Variants in UFSP2 observed in about 807,000 individuals in gnomAD.
UFSP2 encodes the protein UFM1 specific peptidase 2.
Under a neutral mutation model 60.2 loss-of-function variants are expected in UFSP2, and 43 were observed. The observed-to-expected ratio is 0.71, with a 90% CI of 0.56 to 0.92. The LOEUF (loss-of-function observed/expected upper bound fraction) is 0.92. Ranked by LOEUF, UFSP2 falls within the 40% of genes least tolerant of loss-of-function variation. UFSP2 has a pLI of 0.00. For synonymous variants in UFSP2, 183 were observed against 195.1 expected, an observed-to-expected ratio of 0.94 and a Z score of 0.52; for missense variants, 520 against 575.0, an observed-to-expected ratio of 0.90 and a Z score of 0.98.
intron 11 of UFSP2, among the ~76,000 whole-genome samples, chr4:185,401,268 C>T (rs2095512947): frequency 6.6e-6 from 1 of 152,178 alleles, no homozygotes; most frequent in Non-Finnish European, 1.5e-5. Context: ...AATCCTCTAC[C>T]AGTCCTAGGT....
chr4:185,423,997 A>C (rs1337500842), intron 1 of UFSP2, among the ~76,000 whole-genome samples: 1 of 152,126 alleles, frequency 6.6e-6, no homozygotes, highest in Non-Finnish European at 1.5e-5. Context: ...ACATTTACTG[A>C]GCTCTTCAAA....
rs1192454979 is a variant in UFSP2, at chr4:185,415,147, G to T, written c.684+8C>A. The T allele has an allele frequency of 6.4e-7, 1 of 1,569,048 alleles. No homozygotes were observed. Among genetic ancestry groups the T allele is most frequent in the Non-Finnish European group, 8.6e-7 (1 of 1,166,930 alleles). On this transcript the variant is annotated splice_region_variant and intron_variant, in intron 6 of 11. Coordinates refer to ENST00000264689, the MANE Select transcript of UFSP2 (RefSeq NM_018359.5). ...TGTTTTTTCTAAGAATAGATGAACT[G>T]GTTTTACCTTCCTATAGGCCTGCAG...
At position 185,400,094 on chromosome 4, in the gene UFSP2, C is replaced by A; in HGVS notation, c.*298G>T. ...CTATAAGCTCCTGCTTTTGGCTTTA[C>A]CATATGTTGTGTCTAATCTCCTTCT... On this transcript the variant is annotated 3_prime_UTR_variant, in exon 12 of 12. Coordinates refer to ENST00000264689, the MANE Select transcript of UFSP2 (RefSeq NM_018359.5). 1 of 1,354,754 alleles carries A rather than the reference C, an allele frequency of 7.4e-7. No homozygotes were observed. Among genetic ancestry groups the A allele is most frequent in the South Asian group, 1.3e-5 (1 of 78,586 alleles). 83.9% of individuals were successfully genotyped at this position (1,354,754 alleles called of 1,614,324 possible).
intron 9 of UFSP2, among the ~76,000 whole-genome samples, chr4:185,407,022 T>C (rs1162839562): frequency 2.5e-4 from 31 of 122,528 alleles, no homozygotes; most frequent in African/African-American, 1.2e-3. Flanking sequence ...CTTTTCTTTT[T>C]TTTTTTTTTT....
In UFSP2 at chr4:185,403,644, G is replaced by A. The variant is rs1425984843; in HGVS notation, c.1199-26C>T. 5 of 1,595,932 alleles carry A rather than the reference G, an allele frequency of 3.1e-6. No individual in the cohort carries two copies. The African/African-American group carries it at 4.1e-5, about 13-fold the overall frequency. ...CTATAGAAGAAAAAATAGGAAATAC[G>A]AATGAAGGCATAAACAAATGTCAAA... is the stretch of plus-strand genomic sequence containing the variant. On this transcript the variant is annotated intron_variant, in intron 10 of 11. Transcript: ENST00000264689.
Position 185,399,858 on chromosome 4 carries a change from C to T in UFSP2, c.*534G>A, listed in dbSNP as rs2095511107. ...TTTATTATTCCATTTAATACTGACA[C>T]TCGTATTTCTAGTAGTATTGTTTCA... On this transcript the variant is annotated 3_prime_UTR_variant, in exon 12 of 12. Coordinates refer to ENST00000264689, the MANE Select transcript of UFSP2 (RefSeq NM_018359.5). 1.3e-6 allele frequency: 2 copies of T among 1,571,042 alleles called. No individual in the cohort carries two copies. Among genetic ancestry groups the T allele is most frequent in the Admixed American group, 3.8e-5 (2 of 53,328 alleles).
Position 185,408,066 on chromosome 4 carries a change from T to G in UFSP2, c.997-6A>C. On this transcript the variant is annotated splice_region_variant and splice_polypyrimidine_tract_variant and intron_variant, in intron 8 of 11. Transcript: ENST00000264689. ...TCCCCGGCATCGACTAGAGCCTTGA[T>G]GTATTTAAAAATATAAAACATCCAT... 6.2e-7 allele frequency: 1 copy of G among 1,613,112 alleles called. No individual in the cohort carries two copies. Among genetic ancestry groups the G allele is most frequent in the Non-Finnish European group, 8.5e-7 (1 of 1,179,342 alleles).
Position 185,418,044 on chromosome 4 carries a change from C to CT in UFSP2, c.333+396_333+397insA, listed in dbSNP as rs1331257406. ...GGGTAAAAAGAGTGAAACTCCATCTCAAAACACACACACACACACACACAA... is the reference window on the plus strand; with the variant it reads ...GGGTAAAAAGAGTGAAACTCCATCTCTAAAACACACACACACACACACACAA... On this transcript the variant is annotated intron_variant, in intron 4 of 11. Transcript: ENST00000264689. 2.5e-3 allele frequency among the ~76,000 whole-genome samples: 5 copies of CT among 2,008 alleles called. No individual in the cohort carries two copies. The East Asian group carries it at 0.12, about 48-fold the overall frequency. The allele number at this position is 2,008 out of a possible 152,430, so 1.3% of individuals were successfully genotyped here. A position where few individuals can be genotyped will look rare whatever the true frequency, so the allele number is the denominator to read the frequency against.
chr4:185,422,458 TA>T (rs1364445156), intron 2 of UFSP2, 26 bp downstream of exon 2: 1 of 1,559,966 alleles, frequency 6.4e-7, no homozygotes, highest in Admixed American at 1.9e-5. Flanking sequence ...AATTTTCTAA[TA>T]AAAAAGAATT....
intron 11 of UFSP2, chr4:185,400,733 C>A: frequency 2.9e-6 from 1 of 341,724 alleles, no homozygotes; most frequent in Non-Finnish European, 5.3e-6. Context: ...ACTGTTATTC[C>A]AGATACCACA....
chr4:185,399,693 C>CA lies in UFSP2; in HGVS notation c.*698dup, dbSNP rs1227509005. ...CAATAAAAGCAAGTGAACACCCTGACAGGAATGATTGTGTTGCCGTGCTCA... is the reference window on the plus strand; with the variant it reads ...CAATAAAAGCAAGTGAACACCCTGACAAGGAATGATTGTGTTGCCGTGCTCA... On this transcript the variant is annotated 3_prime_UTR_variant, in exon 12 of 12. Transcript: ENST00000264689. 1 of 1,614,140 alleles carries CA rather than the reference C, an allele frequency of 6.2e-7. No individual in the cohort carries two copies. The highest frequency in any genetic ancestry group is 1.3e-5 in the African/African-American group (1 of 75,028).
chr4:185,405,833 T>C lies in UFSP2; in HGVS notation c.1145A>G (p.Gln382Arg), dbSNP rs376712305. The change falls in exon 10 of 12, where the codon CAA becomes CGA. Residue 382 changes from glutamine (Q) to arginine (R), a missense_variant. Transcript: ENST00000264689. Reference protein sequence around the residue: ...FVSQGSEIASQGRELANHFQS... With the variant: ...FVSQGSEIASRGRELANHFQS... ...GAAATGATTAGCCAGTTCCCGTCCTTGAGAGGCAATTTCTGAACCTTGGCT... is the reference window on the plus strand; with the variant it reads ...GAAATGATTAGCCAGTTCCCGTCCTCGAGAGGCAATTTCTGAACCTTGGCT... The C allele has an allele frequency of 6.2e-7, 1 of 1,613,964 alleles. No homozygotes were observed. Among genetic ancestry groups the C allele is most frequent in the African/African-American group, 1.3e-5 (1 of 74,930 alleles).
At chr4:185,419,224 C>A (rs1354970895) in intron 2 of UFSP2, among the ~76,000 whole-genome samples, 1 of 152,048 alleles carries the variant, frequency 6.6e-6, no homozygotes, top group African/African-American at 2.4e-5. Context: ...CTCCGCCTCC[C>A]GGGTTCACGC....
intron 11 of UFSP2, among the ~76,000 whole-genome samples, chr4:185,402,101 A>C (rs1462170998): frequency 1.3e-5 from 2 of 151,718 alleles, no homozygotes; most frequent in Non-Finnish European, 2.9e-5. Context: ...AGCACCTGAG[A>C]TACCATTTTT....
At chr4:185,411,815 T>C (rs961902610) in intron 7 of UFSP2, among the ~76,000 whole-genome samples, 1 of 152,146 alleles carries the variant, frequency 6.6e-6, no homozygotes, top group African/African-American at 2.4e-5. Context: ...TTAGACAAAA[T>C]ACCAGAGATG....
In UFSP2 at chr4:185,415,254, G is replaced by A; in HGVS notation, c.585C>T (p.Val195=). ...LKYMKGTSIV[V]PEPLHFLLPG... ...GTAATAAAAAGTGCAGTGGTTCAGG[G>A]ACCACAATAGATGTTCCTTTCATAT... Residue 195 remains valine (V), a synonymous_variant, in exon 6 of 12, where the codon GTC becomes GTT. Coordinates refer to ENST00000264689, the MANE Select transcript of UFSP2 (RefSeq NM_018359.5). 6.2e-7 allele frequency: 1 copy of A among 1,601,976 alleles called. No individual in the cohort carries two copies. Among genetic ancestry groups the A allele is most frequent in the South Asian group, 1.1e-5 (1 of 88,016 alleles).
At position 185,425,874 on chromosome 4, in the gene UFSP2, C is replaced by T. The variant is rs769792250; in HGVS notation, c.-6G>A. 4.4e-6 allele frequency: 7 copies of T among 1,603,122 alleles called. No individual in the cohort carries two copies. Among genetic ancestry groups the T allele is most frequent in the Non-Finnish European group, 6.0e-6 (7 of 1,174,994 alleles). On this transcript the variant is annotated 5_prime_UTR_variant, in exon 1 of 12. Transcript: ENST00000264689. ...CGAGCAGAGATACTCACCATGTCCG[C>T]GACGTGGCGGTGACACGGGCGCTGA...
At chr4:185,408,919 C>T (rs2095524640) in intron 7 of UFSP2, among the ~76,000 whole-genome samples, 1 of 152,130 alleles carries the variant, frequency 6.6e-6, no homozygotes, top group African/African-American at 2.4e-5. Flanking sequence ...CATCTCTGTC[C>T]TCTTTATGTT....
At chr4:185,405,723 AATG>A in intron 10 of UFSP2, 54 bp downstream of exon 10, 2 of 1,536,868 alleles carry the variant, frequency 1.3e-6, no homozygotes. Flanking sequence ...TATTTATATC[AATG>A]ATAAGTTTTG....
Sources: gnomAD v4.1 joint callset for allele counts (sites outside exome capture counted in the v4.1 genomes callset) on GRCh38, gnomAD v4.1.1 for gene constraint, MANE v1.5 for transcripts, NCBI Gene and HGNC (gene_info 2026-07-23, HGNC 2026-07-21) for gene names.